Variants in ARID2 observed in about 807,000 individuals in gnomAD.
ARID2 encodes AT-rich interactive domain-containing protein 2.
Under a neutral mutation model 184.6 loss-of-function variants are expected in ARID2, and 32 were observed. The observed-to-expected ratio is 0.17, with a 90% CI of 0.13 to 0.23. ARID2 has a LOEUF of 0.23. Among genes scored for constraint, ARID2 ranks in the 10% least tolerant of loss-of-function variants. The pLI is 1.00. For synonymous variants in ARID2, 836 were observed against 772.6 expected, an observed-to-expected ratio of 1.08 and a Z score of -1.36; for missense variants, 1,696 against 2,197.6, an observed-to-expected ratio of 0.77 and a Z score of 4.56.
intron 16 of ARID2, among the ~76,000 whole-genome samples, chr12:45,889,279 CACAT>C (rs1214579445): frequency 6.6e-6 from 1 of 152,114 alleles, no homozygotes; most frequent in African/African-American, 2.4e-5. Context: ...TGTTTAAAAA[CACAT>C]ACATACTCAG....
At chr12:45,887,416 C>T (rs983398660) in intron 16 of ARID2, among the ~76,000 whole-genome samples, 12 of 152,098 alleles carry the variant, frequency 7.9e-5, no homozygotes, top group Non-Finnish European at 1.8e-4. Flanking sequence ...TTGTTTCTAT[C>T]GCTTCTAGTT....
intron 20 of ARID2, among the ~76,000 whole-genome samples, chr12:45,902,554 T>TG (rs1254184922): frequency 6.6e-6 from 1 of 151,430 alleles, no homozygotes; most frequent in Non-Finnish European, 1.5e-5. Flanking sequence ...TTTTTTGAGA[T>TG]GGAGTCTCGC....
At chr12:45,891,077 A>C (rs1944294333) in intron 16 of ARID2, among the ~76,000 whole-genome samples, 1 of 152,086 alleles carries the variant, frequency 6.6e-6, no homozygotes, top group Non-Finnish European at 1.5e-5. Flanking sequence ...AAGCAGAAGA[A>C]GCACTTGAAC....
At chr12:45,795,914 C>T (rs1347969101) in intron 3 of ARID2, among the ~76,000 whole-genome samples, 1 of 152,106 alleles carries the variant, frequency 6.6e-6, no homozygotes, top group Non-Finnish European at 1.5e-5. Flanking sequence ...CAATAAATGA[C>T]CACATCCCCT....
chr12:45,762,848 A>G (rs888244886), intron 3 of ARID2, among the ~76,000 whole-genome samples: 5 of 152,248 alleles, frequency 3.3e-5, no homozygotes, highest in Non-Finnish European at 7.3e-5. Flanking sequence ...AAGAGATAAG[A>G]GAACAAGTTT....
intron 3 of ARID2, chr12:45,789,355 A>G (rs1942251921): frequency 6.6e-6 from 1 of 152,144 alleles, no homozygotes; most frequent in South Asian, 2.1e-4. Flanking sequence ...TACTGGGGCA[A>G]TATTTCTTTT....
chr12:45,758,098 A>G (rs1210291919), intron 3 of ARID2, among the ~76,000 whole-genome samples: 2 of 152,232 alleles, frequency 1.3e-5, no homozygotes, highest in Non-Finnish European at 2.9e-5. Context: ...TGGAACCTAA[A>G]TAAGCAGGAT....
intron 3 of ARID2, among the ~76,000 whole-genome samples, chr12:45,781,139 A>G (rs1942081671): frequency 6.6e-6 from 1 of 151,394 alleles, no homozygotes; most frequent in African/African-American, 2.4e-5. Flanking sequence ...TTAAAACAAC[A>G]AACATTTATT....
chr12:45,890,940 G>A (rs1944291916), intron 16 of ARID2, among the ~76,000 whole-genome samples: 1 of 152,116 alleles, frequency 6.6e-6, no homozygotes, highest in Admixed American at 6.6e-5. Context: ...GCCAAGGCGG[G>A]CAGATCATGA....
At chr12:45,895,816 A>C (rs944445356) in intron 20 of ARID2, among the ~76,000 whole-genome samples, 1 of 152,196 alleles carries the variant, frequency 6.6e-6, no homozygotes, top group Non-Finnish European at 1.5e-5. Context: ...TACAGGTGTG[A>C]GCCACCGCAC....
At chr12:45,804,472 G>A (rs1407148040) in intron 3 of ARID2, among the ~76,000 whole-genome samples, 1 of 151,320 alleles carries the variant, frequency 6.6e-6, no homozygotes, top group Non-Finnish European at 1.5e-5. Context: ...AGTTTTTCTA[G>A]TGTGTGCGTG....
rs1943565161 is a variant in ARID2, at chr12:45,852,228, G to A, written c.4105G>A (p.Gly1369Ser). 5 of 1,614,052 alleles carry A rather than the reference G, an allele frequency of 3.1e-6. No homozygotes were observed. The highest frequency in any genetic ancestry group is 4.2e-6 in the Non-Finnish European group (5 of 1,180,000). Residue 1369 changes from glycine to serine, a missense_variant, in exon 15 of 21, where the codon GGT (glycine) becomes AGT (serine). Transcript: ENST00000334344. ...NGICDFDKGD[G>S]SHLSKNIPNH... ...AATCTGTGATTTTGATAAAGGAGAT[G>A]GTTCTCATTTAAGCAAAAACATTCC... is the stretch of plus-strand genomic sequence containing the variant.
At chr12:45,901,154 A>ATTTTTTCTTT (rs1944452321) in intron 20 of ARID2, among the ~76,000 whole-genome samples, 1 of 44,972 alleles carries the variant, frequency 2.2e-5, no homozygotes, top group African/African-American at 1.4e-4. Context: ...AATTTCCTTA[A>ATTTTTTCTTT]TTTTTTTTTT....
At chr12:45,883,610 A>G (rs1944139021) in intron 16 of ARID2, among the ~76,000 whole-genome samples, 1 of 149,960 alleles carries the variant, frequency 6.7e-6, no homozygotes, top group Admixed American at 6.7e-5. Context: ...ATATACCCCC[A>G]TTTTTACCTA....
At chr12:45,824,073 A>G (rs758535931) in intron 6 of ARID2, among the ~76,000 whole-genome samples, 72 of 152,116 alleles carry the variant, frequency 4.7e-4, no homozygotes, top group Non-Finnish European at 9.3e-4. Flanking sequence ...ACATATCAAA[A>G]AGACAGTGCA....
At chr12:45,732,619 G>C (rs996856095) in intron 3 of ARID2, among the ~76,000 whole-genome samples, 11 of 152,098 alleles carry the variant, frequency 7.2e-5, no homozygotes, top group Admixed American at 3.3e-4. Context: ...TATATTCATC[G>C]TGACATTCAT....
intron 3 of ARID2, among the ~76,000 whole-genome samples, chr12:45,778,405 C>T (rs187740686): frequency 3.9e-5 from 6 of 151,988 alleles, no homozygotes; most frequent in South Asian, 2.1e-4. Flanking sequence ...ATATACATTT[C>T]GTGTAAAAAA....
intron 3 of ARID2, among the ~76,000 whole-genome samples, chr12:45,810,128 T>C (rs934535097): frequency 1.3e-5 from 2 of 152,194 alleles, no homozygotes; most frequent in African/African-American, 4.8e-5. Flanking sequence ...TAAATGTAAG[T>C]CATTATATAT....
intron 3 of ARID2, among the ~76,000 whole-genome samples, chr12:45,782,084 G>GT (rs201306761): frequency 1.8e-4 from 28 of 152,086 alleles, no homozygotes; most frequent in Admixed American, 1.1e-3. Flanking sequence ...ACACTAGTAA[G>GT]TTTTTTTTAA....
Sources: allele counts gnomAD v4.1 joint callset (sites outside exome capture counted in the v4.1 genomes callset), GRCh38; gene constraint gnomAD v4.1.1; transcripts MANE v1.5; gene names NCBI Gene and HGNC (gene_info 2026-07-23, HGNC 2026-07-21).